ADAM18: variants seen among roughly 807,000 people sequenced by gnomAD.
The protein encoded by ADAM18 is ADAM metallopeptidase domain 18, also known as disintegrin and metalloproteinase domain-containing protein 18.
In ADAM18, 117 loss-of-function variants were observed where a neutral mutation model predicts 94.4. The ratio of observed to expected loss-of-function variants is 1.24; its 90% CI spans 1.07 to 1.45. The LOEUF (loss-of-function observed/expected upper bound fraction) is 1.45, where lower values mean the gene tolerates loss of function less well. Among genes scored for constraint, ADAM18 ranks in the 40% most tolerant of loss-of-function variants. The pLI is 0.00. For missense variants in ADAM18, 936 were observed against 880.0 expected, an observed-to-expected ratio of 1.06 and a Z score of -0.81; for synonymous variants, 327 against 291.6, an observed-to-expected ratio of 1.12 and a Z score of -1.24.
At chr8:39,637,019 T>TTTTA (rs1820091834) in intron 7 of ADAM18, among the ~76,000 whole-genome samples, 1 of 54,852 alleles carries the variant, frequency 1.8e-5, no homozygotes, top group African/African-American at 6.0e-5. Flanking sequence ...TGTGTGTATT[T>TTTTA]TATATATATA....
intron 17 of ADAM18, among the ~76,000 whole-genome samples, chr8:39,698,845 TGTAA>T (rs953879233): frequency 2.0e-5 from 3 of 152,042 alleles, no homozygotes; most frequent in South Asian, 2.1e-4. Context: ...ATTTCAATGG[TGTAA>T]GTATCTAAAT....
At chr8:39,652,590 G>T (rs1820567213) in intron 12 of ADAM18, among the ~76,000 whole-genome samples, 1 of 152,156 alleles carries the variant, frequency 6.6e-6, no homozygotes, top group South Asian at 2.1e-4. Context: ...TGCACACTAT[G>T]ATGGAAATAT....
chr8:39,721,417 CTTAA>C (rs1822743789), intron 18 of ADAM18, among the ~76,000 whole-genome samples: 1 of 151,342 alleles, frequency 6.6e-6, no homozygotes, highest in Non-Finnish European at 1.5e-5. Flanking sequence ...AATGGGGCTT[CTTAA>C]TTAACCTAAA....
chr8:39,623,220 A>G (rs1819664102), intron 6 of ADAM18, among the ~76,000 whole-genome samples: 1 of 152,188 alleles, frequency 6.6e-6, no homozygotes, highest in Non-Finnish European at 1.5e-5. Context: ...GTAGCATTCC[A>G]TGGTGTATAC....
At chr8:39,678,356 T>C (rs1159185622) in intron 15 of ADAM18, among the ~76,000 whole-genome samples, 1 of 152,196 alleles carries the variant, frequency 6.6e-6, no homozygotes, top group Non-Finnish European at 1.5e-5. Flanking sequence ...TGGGTGGGAC[T>C]AAAGTAGTAT....
chr8:39,586,890 T>G (rs2129457925), intron 2 of ADAM18, among the ~76,000 whole-genome samples: 1 of 152,290 alleles, frequency 6.6e-6, no homozygotes, highest in Non-Finnish European at 1.5e-5. Context: ...AAACTTCAAA[T>G]TTCTTACTAC....
In ADAM18 at chr8:39,645,484, T is replaced by C; in HGVS notation, c.1046+10T>C. On this transcript the variant is annotated intron_variant, in intron 11 of 19. Coordinates refer to ENST00000265707, the MANE Select transcript of ADAM18 (RefSeq NM_014237.3). Reference sequence around the variant, plus strand: ...TGAATCATGAAGCAGTGTAAGATGTTTTCTTAATTAATTTCATTTATATTT... The same window carrying C: ...TGAATCATGAAGCAGTGTAAGATGTCTTCTTAATTAATTTCATTTATATTT... 2 of 1,593,182 alleles carry C rather than the reference T, an allele frequency of 1.3e-6. No homozygotes were observed. The highest frequency in any genetic ancestry group is 1.7e-6 in the Non-Finnish European group (2 of 1,174,026).
At chr8:39,669,665 T>C (rs1327518725) in intron 14 of ADAM18, among the ~76,000 whole-genome samples, 2 of 152,052 alleles carry the variant, frequency 1.3e-5, no homozygotes, top group South Asian at 2.1e-4. Context: ...TATGGCTGCA[T>C]AGTATTCCAT....
intron 2 of ADAM18, chr8:39,605,890 A>G (rs1000361648): frequency 5.9e-6 from 1 of 169,380 alleles, no homozygotes; most frequent in African/African-American, 2.4e-5. Context: ...CCCAAATTCC[A>G]TTGTGTCATT....
intron 6 of ADAM18, among the ~76,000 whole-genome samples, chr8:39,613,599 A>G (rs1247756703): frequency 2.0e-5 from 3 of 152,326 alleles, no homozygotes; most frequent in South Asian, 2.1e-4. Context: ...ACTGTACTGT[A>G]TCTCTGTCAA....
intron 19 of ADAM18, among the ~76,000 whole-genome samples, chr8:39,727,710 C>G (rs1199694211): frequency 1.3e-5 from 2 of 152,242 alleles, no homozygotes; most frequent in Middle Eastern, 6.8e-3. Flanking sequence ...TTTAACTAGT[C>G]TCTAGGAAGT....
chr8:39,668,814 T>C (rs1231143849), intron 14 of ADAM18, among the ~76,000 whole-genome samples: 9 of 152,010 alleles, frequency 5.9e-5, no homozygotes, highest in Non-Finnish European at 1.3e-4. Flanking sequence ...GTGAAATGCA[T>C]ATATATATAA....
chr8:39,669,528 T>C (rs541874497), intron 14 of ADAM18, among the ~76,000 whole-genome samples: 3 of 138,262 alleles, frequency 2.2e-5, no homozygotes, highest in South Asian at 4.7e-4. Flanking sequence ...TGTGTTCTCA[T>C]TGTTCAATTT....
intron 19 of ADAM18, among the ~76,000 whole-genome samples, chr8:39,727,776 C>G (rs867028870): frequency 1.2e-4 from 19 of 152,190 alleles, no homozygotes; most frequent in African/African-American, 4.3e-4. Context: ...CTCTCCCAAC[C>G]CATTACCCAG....
chr8:39,600,285 C>T (rs1818864204), intron 2 of ADAM18, among the ~76,000 whole-genome samples: 1 of 151,992 alleles, frequency 6.6e-6, no homozygotes, highest in Admixed American at 6.6e-5. Context: ...CTTATAATTG[C>T]TTCTTTGACT....
chr8:39,681,832 G>T (rs1029184623), intron 16 of ADAM18, among the ~76,000 whole-genome samples: 1 of 152,132 alleles, frequency 6.6e-6, no homozygotes, highest in African/African-American at 2.4e-5. Flanking sequence ...TCTACAGTAC[G>T]TGGAAAGTAG....
Position 39,610,655 on chromosome 8 carries a change from C to T in ADAM18, c.471C>T (p.Tyr157=). 6.2e-7 allele frequency: 1 copy of T among 1,613,062 alleles called. No homozygotes were observed. Among genetic ancestry groups the T allele is most frequent in the East Asian group, 2.2e-5 (1 of 44,746 alleles). The change falls in exon 6 of 20, where the codon TAC becomes TAT. Residue 157 remains tyrosine, a synonymous_variant. Coordinates refer to ENST00000265707, the MANE Select transcript of ADAM18 (RefSeq NM_014237.3). ...DPNVSILAVN[Y]SHIWQKDQPY... is the part of the protein sequence containing the mutation. Reference sequence around the variant, plus strand: ...ATGTATCCATTTTAGCAGTAAATTACAGTCATATTTGGCAGAAAGACCAGC... The same window carrying T: ...ATGTATCCATTTTAGCAGTAAATTATAGTCATATTTGGCAGAAAGACCAGC...
chr8:39,619,566 T>TA (rs1819546397), intron 6 of ADAM18, among the ~76,000 whole-genome samples: 3 of 130,500 alleles, frequency 2.3e-5, no homozygotes, highest in African/African-American at 5.0e-5. Context: ...ATGCTCCACA[T>TA]AAAAAAACAG....
intron 17 of ADAM18, among the ~76,000 whole-genome samples, chr8:39,702,214 T>G (rs1037484484): frequency 6.6e-6 from 1 of 152,258 alleles, no homozygotes; most frequent in Non-Finnish European, 1.5e-5. Context: ...CATTGTGGTC[T>G]TGATTTTTAT....
Sources: gnomAD v4.1 joint callset for allele counts (sites outside exome capture counted in the v4.1 genomes callset) on GRCh38, gnomAD v4.1.1 for gene constraint, MANE v1.5 for transcripts, NCBI Gene and HGNC (gene_info 2026-07-23, HGNC 2026-07-21) for gene names.